Variants in CFAP61 observed in about 807,000 individuals in gnomAD.
CFAP61 encodes cilia- and flagella-associated protein 61.
A neutral mutation model predicts 135.6 loss-of-function variants in CFAP61; 107 were observed. The observed-to-expected ratio is 0.79, with a 90% confidence interval of 0.67 to 0.93. The LOEUF is 0.93. Among genes scored for constraint, CFAP61 ranks in the 40% least tolerant of loss-of-function variants. The probability of loss-of-function intolerance (pLI) is 0.00; values close to 1 mark genes in which losing one functional copy is unlikely to be tolerated. For synonymous variants in CFAP61, 575 were observed against 578.5 expected (o/e 0.99, Z 0.09); for missense variants, 1,507 against 1,556.2 (o/e 0.97, Z 0.53).
intron 21 of CFAP61, among the ~76,000 whole-genome samples, chr20:20,269,636 TGCTGGGATTACA>T (rs1250614053): frequency 6.6e-6 from 1 of 152,184 alleles, no homozygotes; most frequent in East Asian, 1.9e-4. Flanking sequence ...CCTCCCGAAG[TGCTGGGATTACA>T]GGCATGAGCC....
At chr20:20,068,986 G>T (rs1325145908) in intron 2 of CFAP61, among the ~76,000 whole-genome samples, 1 of 152,128 alleles carries the variant, frequency 6.6e-6, no homozygotes, top group Non-Finnish European at 1.5e-5. Context: ...CTTGTGATCC[G>T]CCTGCCTTGG....
Position 20,196,738 on chromosome 20 carries a change from C to T in CFAP61, c.1759C>T (p.Leu587Phe). 6.2e-7 allele frequency: 1 copy of T among 1,614,182 alleles called. No homozygotes were observed. The highest frequency in any genetic ancestry group is 8.5e-7 in the Non-Finnish European group (1 of 1,180,030). ...CCTGCGTTTAGGCTTTAAATCCTGT[C>T]TCTACTACCGTGTTTACCCAAAATC... ...EILRLGFKSC[L>F]YYRVYPKSRE... The change falls in exon 16 of 27, where the codon CTC (leucine) becomes TTC (phenylalanine). Residue 587 changes from leucine to phenylalanine, a missense_variant. Coordinates refer to ENST00000245957, the MANE Select transcript of CFAP61 (RefSeq NM_015585.4).
At chr20:20,090,778 T>C (rs1265726346) in intron 6 of CFAP61, 66 bp from the exon 7 acceptor site, 2 of 1,559,576 alleles carry the variant, frequency 1.3e-6, no homozygotes, top group Non-Finnish European at 1.8e-6. Flanking sequence ...TGGCACACAG[T>C]TGGTGCCCTG....
intron 16 of CFAP61, 157 bp from the exon 17 acceptor site, chr20:20,199,611 C>G: frequency 4.4e-6 from 1 of 229,778 alleles, no homozygotes; most frequent in Non-Finnish European, 7.2e-6. Context: ...CAATTCATTC[C>G]TCTGCTCGAA....
At chr20:20,196,200 C>G (rs1056262281) in intron 15 of CFAP61, among the ~76,000 whole-genome samples, 4 of 152,228 alleles carry the variant, frequency 2.6e-5, no homozygotes, top group Non-Finnish European at 4.4e-5. Context: ...GAATTTCCCA[C>G]AGGCTCCGTC....
At chr20:20,268,762 T>C (rs373457302) in intron 21 of CFAP61, among the ~76,000 whole-genome samples, 9 of 152,124 alleles carry the variant, frequency 5.9e-5, no homozygotes, top group African/African-American at 1.9e-4. Context: ...ATGGCACTAA[T>C]TGAAACTAAT....
chr20:20,338,024 G>A (rs573027892), intron 25 of CFAP61, among the ~76,000 whole-genome samples: 4 of 152,270 alleles, frequency 2.6e-5, no homozygotes, highest in South Asian at 2.1e-4. Context: ...AAGTAGATGC[G>A]TCCATATATC....
At chr20:20,085,270 C>A in intron 6 of CFAP61, 1 of 985,448 alleles carries the variant, frequency 1.0e-6, no homozygotes, top group Non-Finnish European at 1.2e-6. Context: ...CATTTGACTG[C>A]ATGAGTTGTT....
chr20:20,140,920 C>CTTTTTT (rs66785203), intron 8 of CFAP61, among the ~76,000 whole-genome samples: 3 of 143,228 alleles, frequency 2.1e-5, no homozygotes, highest in Non-Finnish European at 3.1e-5. Flanking sequence ...TTTTTTTTTC[C>CTTTTTT]TTTTTTTTTT....
intron 25 of CFAP61, among the ~76,000 whole-genome samples, chr20:20,325,306 G>T (rs571683854): frequency 6.6e-6 from 1 of 152,326 alleles, no homozygotes; most frequent in Admixed American, 6.5e-5. Context: ...GTTGACAAAT[G>T]TATACTGACA....
chr20:20,182,431 C>A (rs1411205603), intron 13 of CFAP61, among the ~76,000 whole-genome samples: 1 of 151,954 alleles, frequency 6.6e-6, no homozygotes, highest in Non-Finnish European at 1.5e-5. Context: ...ACCTCATGTG[C>A]CTTATTTAAA....
At chr20:20,151,010 C>G (rs1208951885) in intron 9 of CFAP61, among the ~76,000 whole-genome samples, 1 of 151,980 alleles carries the variant, frequency 6.6e-6, no homozygotes, top group African/African-American at 2.4e-5. Context: ...TGTAACACCC[C>G]CAAAAGACCA....
At chr20:20,337,899 G>C (rs2058301821) in intron 25 of CFAP61, among the ~76,000 whole-genome samples, 2 of 152,144 alleles carry the variant, frequency 1.3e-5, no homozygotes, top group Admixed American at 1.3e-4. Flanking sequence ...AACCACGGAG[G>C]CCATCCCTGG....
chr20:20,340,542 G>A (rs963960140), intron 25 of CFAP61, among the ~76,000 whole-genome samples: 1 of 152,130 alleles, frequency 6.6e-6, no homozygotes, highest in Admixed American at 6.5e-5. Flanking sequence ...AGACGATGAA[G>A]GGTCCCCGAC....
chr20:20,265,340 A>G, intron 21 of CFAP61: 1 of 778,698 alleles, frequency 1.3e-6, no homozygotes, highest in Non-Finnish European at 2.4e-6. Flanking sequence ...TTGATAGCAG[A>G]GAATTTAGAA....
intron 17 of CFAP61, among the ~76,000 whole-genome samples, chr20:20,203,062 G>A (rs1018391863): frequency 1.1e-4 from 16 of 152,102 alleles, no homozygotes; most frequent in East Asian, 1.9e-4. Flanking sequence ...ATATGCCCTC[G>A]CTCCCACCCC....
At chr20:20,341,082 G>A (rs6046804) in intron 25 of CFAP61, among the ~76,000 whole-genome samples, 21 of 152,224 alleles carry the variant, frequency 1.4e-4, no homozygotes, top group African/African-American at 4.1e-4. Flanking sequence ...ACAGTAATAA[G>A]GGCAGCTAGC....
At chr20:20,294,110 G>T (rs1013618290) in intron 24 of CFAP61, among the ~76,000 whole-genome samples, 17 of 152,158 alleles carry the variant, frequency 1.1e-4, no homozygotes, top group African/African-American at 3.9e-4. Flanking sequence ...ACTTAAAATA[G>T]GGGAAGACAC....
At chr20:20,092,929 T>C (rs958194254) in intron 7 of CFAP61, among the ~76,000 whole-genome samples, 1 of 152,218 alleles carries the variant, frequency 6.6e-6, no homozygotes, top group African/African-American at 2.4e-5. Context: ...AAAAGTCTGG[T>C]ATTTTCTCCA....
Sources: gnomAD v4.1 joint callset for allele counts (sites outside exome capture counted in the v4.1 genomes callset) on GRCh38, gnomAD v4.1.1 for gene constraint, MANE v1.5 for transcripts, NCBI Gene and HGNC (gene_info 2026-07-23, HGNC 2026-07-21) for gene names.